The following WDR19 variants were observed in gnomAD, a reference collection of about 807,000 sequenced individuals.
WDR19 encodes WD repeat-containing protein 19.
In WDR19, 121 loss-of-function variants were observed where a neutral mutation model predicts 180.0. The ratio of observed to expected loss-of-function variants is 0.67; its 90% CI spans 0.58 to 0.78. The LOEUF (loss-of-function observed/expected upper bound fraction) is 0.78, where lower values mean the gene tolerates loss of function less well. Ranked by LOEUF, WDR19 falls within the 30% of genes least tolerant of loss-of-function variation. WDR19 has a pLI of 0.00. For missense variants in WDR19, 1,450 were observed against 1,640.7 expected, an observed-to-expected ratio of 0.88 and a Z score of 2.01; for synonymous variants, 497 against 540.7, an observed-to-expected ratio of 0.92 and a Z score of 1.12.
At chr4:39,266,231 A>T in intron 29 of WDR19, 91 bp downstream of exon 29, 2 of 1,230,928 alleles carry the variant, frequency 1.6e-6, no homozygotes, top group Non-Finnish European at 2.2e-6. Context: ...TACAACATAG[A>T]CATGAAAAAT....
intron 5 of WDR19, among the ~76,000 whole-genome samples, chr4:39,195,387 C>CCA (rs1726636518): frequency 7.0e-6 from 1 of 141,872 alleles, no homozygotes; most frequent in Non-Finnish European, 1.5e-5. Context: ...AACAAAAAAA[C>CCA]AAACAAACAA....
chr4:39,203,314 A>G (rs4974929), intron 6 of WDR19, among the ~76,000 whole-genome samples: 147,491 of 152,040 alleles, frequency 0.97, 71,692 homozygotes, highest in Middle Eastern at 1. Context: ...TCAACACTCA[A>G]GCCAAAACAA....
intron 36 of WDR19, among the ~76,000 whole-genome samples, chr4:39,283,378 T>C (rs1736772990): frequency 8.0e-6 from 1 of 124,428 alleles, no homozygotes; most frequent in African/African-American, 3.8e-5. Flanking sequence ...TGGTCTACAA[T>C]TTTCCTCTGT....
In WDR19 at chr4:39,244,481, A is replaced by G. The variant is rs765795916; in HGVS notation, c.2574A>G (p.Glu858=). 3 of 1,613,990 alleles carry G rather than the reference A, an allele frequency of 1.9e-6. No homozygotes were observed. The highest frequency in any genetic ancestry group is 1.1e-5 in the South Asian group (1 of 91,080). Residue 858 remains glutamate (E), a synonymous_variant, in exon 23 of 37, where the codon GAA becomes GAG. Transcript: ENST00000399820. ...CTGTCTTATTTTAGCAATTTTCAGAAGCGGCCCAACTGTATGAAAAAGGTC... is the reference window on the plus strand; with the variant it reads ...CTGTCTTATTTTAGCAATTTTCAGAGGCGGCCCAACTGTATGAAAAAGGTC... ...AILENMKQFS[E]AAQLYEKGLY...
In WDR19 at chr4:39,233,223, G is replaced by T. The variant is rs1401369005; in HGVS notation, c.2253+951G>T. On this transcript the variant is annotated intron_variant, in intron 19 of 36. Coordinates refer to ENST00000399820, the MANE Select transcript of WDR19 (RefSeq NM_025132.4). ...GTGTACCATCACTGGTTTCCCAGAG[G>T]TGAGCATTGCAGGAGAGGGCCTAGA... Among the ~76,000 whole-genome samples the T allele has an allele frequency of 2.0e-5, 3 of 152,154 alleles. No homozygotes were observed. The East Asian group carries it at 5.8e-4, about 29-fold the overall frequency.
chr4:39,283,382 CCT>C lies in WDR19; in HGVS notation c.*14-2102_*14-2101del, dbSNP rs570961897. Among the ~76,000 whole-genome samples the C allele has an allele frequency of 9.2e-5, 11 of 119,058 alleles. No individual in the cohort carries two copies. In the South Asian group the frequency reaches 2.7e-3, roughly 29 times the overall value. 78.1% of individuals were successfully genotyped at this position (119,058 alleles called of 152,430 possible). A position where few individuals can be genotyped will look rare whatever the true frequency, so the allele number is the denominator to read the frequency against. ...ATGGGGGATACTGGTCTACAATTTT[CCT>C]CTGTTGTGTTTTTTTTTCAAGTGTT... On this transcript the variant is annotated intron_variant, in intron 36 of 36. Transcript: ENST00000399820.
intron 14 of WDR19, among the ~76,000 whole-genome samples, chr4:39,220,151 G>T (rs79658757): frequency 6.6e-6 from 1 of 152,076 alleles, no homozygotes; most frequent in South Asian, 2.1e-4. Flanking sequence ...AGCCCCAGGG[G>T]TGGGTTGCCA....
chr4:39,268,832 C>T (rs576643235), intron 30 of WDR19, among the ~76,000 whole-genome samples: 42 of 152,006 alleles, frequency 2.8e-4, no homozygotes, highest in African/African-American at 9.2e-4. Flanking sequence ...CAGAGTTGGA[C>T]GGGATGACAA....
At chr4:39,237,282 G>A (rs891217820) in intron 20 of WDR19, among the ~76,000 whole-genome samples, 8 of 152,160 alleles carry the variant, frequency 5.3e-5, no homozygotes, top group Non-Finnish European at 1.0e-4. Context: ...CTTTGGACCA[G>A]GTACGGTGAC....
intron 5 of WDR19, 60 bp from the exon 6 acceptor site, chr4:39,199,418 A>G (rs943247772): frequency 1.5e-5 from 20 of 1,297,478 alleles, no homozygotes; most frequent in Non-Finnish European, 2.0e-5. Context: ...TCAGATTGGC[A>G]TCACAGATTT....
chr4:39,255,343 T>C (rs1201594380), intron 26 of WDR19, among the ~76,000 whole-genome samples: 1 of 152,142 alleles, frequency 6.6e-6, no homozygotes, highest in African/African-American at 2.4e-5. Context: ...AGGCGCAGCA[T>C]GGTTGTTATA....
At chr4:39,269,922 A>G in intron 30 of WDR19, 54 bp from the exon 31 acceptor site, 1 of 1,593,086 alleles carries the variant, frequency 6.3e-7, no homozygotes, top group South Asian at 1.1e-5. Flanking sequence ...GGTCCATAGA[A>G]TGTCCTCAGA....
intron 27 of WDR19, among the ~76,000 whole-genome samples, chr4:39,256,758 G>A (rs541991544): frequency 1.3e-5 from 2 of 152,220 alleles, no homozygotes; most frequent in African/African-American, 4.8e-5. Context: ...GCACCCAGCT[G>A]TTTCCATGGA....
chr4:39,259,981 C>T (rs992894992), intron 28 of WDR19, among the ~76,000 whole-genome samples: 2 of 152,172 alleles, frequency 1.3e-5, no homozygotes, highest in Non-Finnish European at 2.9e-5. Flanking sequence ...AGACAAGGCT[C>T]ATGTATTACA....
At chr4:39,246,122 A>T (rs982079409) in intron 24 of WDR19, among the ~76,000 whole-genome samples, 2 of 152,238 alleles carry the variant, frequency 1.3e-5, no homozygotes, top group Admixed American at 6.5e-5. Context: ...AATAGTAATT[A>T]AATTAAGGCA....
chr4:39,270,383 T>C (rs1020320952), intron 31 of WDR19, among the ~76,000 whole-genome samples: 2 of 152,148 alleles, frequency 1.3e-5, no homozygotes, highest in Non-Finnish European at 2.9e-5. Flanking sequence ...TGGGTTGTTT[T>C]GTTTTGTTTT....
chr4:39,225,175 G>GA, intron 15 of WDR19, 142 bp downstream of exon 15: 1 of 645,392 alleles, frequency 1.5e-6, no homozygotes, highest in Non-Finnish European at 2.3e-6. Context: ...ATAATATCAT[G>GA]TTTATGATAG....
chr4:39,272,886 G>A (rs996304981), intron 31 of WDR19, 94 bp from the exon 32 acceptor site: 226 of 1,013,466 alleles, frequency 2.2e-4, no homozygotes, highest in Non-Finnish European at 3.0e-4. Context: ...GTGACCCTGG[G>A]CCATCATCAA....
intron 9 of WDR19, chr4:39,206,099 A>T (rs1191735726): frequency 6.2e-6 from 1 of 160,218 alleles, no homozygotes; most frequent in Non-Finnish European, 1.4e-5. Flanking sequence ...GTGCCAACTA[A>T]CCAGTGGGGA....
Sources: gnomAD v4.1 joint callset for allele counts (sites outside exome capture counted in the v4.1 genomes callset) on GRCh38, gnomAD v4.1.1 for gene constraint, MANE v1.5 for transcripts, NCBI Gene and HGNC (gene_info 2026-07-23, HGNC 2026-07-21) for gene names.